Variants in E2F3 observed in about 807,000 individuals in gnomAD.
E2F3 encodes the protein E2F transcription factor 3, also known as transcription factor E2F3.
In E2F3, 11 loss-of-function variants were observed where a neutral mutation model predicts 44.4. The ratio of observed to expected loss-of-function variants is 0.25; its 90% CI spans 0.16 to 0.41. The LOEUF (loss-of-function observed/expected upper bound fraction) is 0.41, where lower values mean the gene tolerates loss of function less well. Among genes scored for constraint, E2F3 ranks in the 10% least tolerant of loss-of-function variants. E2F3 has a pLI of 1.00. For synonymous variants in E2F3, 249 were observed against 253.0 expected (o/e 0.98, Z 0.15); for missense variants, 487 against 583.6 (o/e 0.83, Z 1.70).
chr6:20,457,551 T>G (rs1761352374), intron 1 of E2F3, among the ~76,000 whole-genome samples: 1 of 151,926 alleles, frequency 6.6e-6, no homozygotes, highest in Non-Finnish European at 1.5e-5. Context: ...CCTAGAATTG[T>G]AGGAAGGTAT....
chr6:20,441,725 ATTTT>A (rs70990031), intron 1 of E2F3, among the ~76,000 whole-genome samples: 5 of 119,324 alleles, frequency 4.2e-5, no homozygotes, highest in Admixed American at 9.0e-5. Context: ...CGCGTGGGTA[ATTTT>A]TTTTTTTTTT....
intron 1 of E2F3, among the ~76,000 whole-genome samples, chr6:20,421,222 C>T (rs1760017185): frequency 6.6e-6 from 1 of 152,194 alleles, no homozygotes; most frequent in African/African-American, 2.4e-5. Flanking sequence ...GGATCAACTT[C>T]TTCCGAACTT....
At chr6:20,410,118 G>A (rs1002225352) in intron 1 of E2F3, among the ~76,000 whole-genome samples, 1 of 152,146 alleles carries the variant, frequency 6.6e-6, no homozygotes, top group African/African-American at 2.4e-5. Context: ...CTCAGGGTCT[G>A]TATATTTCGT....
chr6:20,420,663 C>G (rs1464651494), intron 1 of E2F3, among the ~76,000 whole-genome samples: 2 of 152,162 alleles, frequency 1.3e-5, no homozygotes, highest in African/African-American at 2.4e-5. Context: ...CTTAAAAATA[C>G]TATATTGCTA....
Position 20,434,431 on chromosome 6 carries a change from G to A in E2F3, c.393+31806G>A, listed in dbSNP as rs533733527. ...TGTGGACTTAAAGACACTGATTTGTGGCATAATTCGAGGTAGTTTAAACTG... is the reference window on the plus strand; with the variant it reads ...TGTGGACTTAAAGACACTGATTTGTAGCATAATTCGAGGTAGTTTAAACTG... On this transcript the variant is annotated intron_variant, in intron 1 of 6. Transcript: ENST00000346618. Among the ~76,000 whole-genome samples, 6 of 152,250 alleles carry A rather than the reference G, an allele frequency of 3.9e-5. No homozygotes were observed. In the South Asian group the frequency reaches 1.2e-3, roughly 32 times the overall value.
chr6:20,454,407 A>C (rs1477541548), intron 1 of E2F3, among the ~76,000 whole-genome samples: 1 of 152,196 alleles, frequency 6.6e-6, no homozygotes, highest in Non-Finnish European at 1.5e-5. Flanking sequence ...GTTTGGTCCT[A>C]ATCTTCTTGA....
chr6:20,490,217 A>C lies in E2F3; in HGVS notation c.1185A>C (p.Gly395=). ...SGHSDCSVSM[G]NLSPLASPAN... is the part of the protein sequence containing the mutation. ...ATAGCGATTGCTCAGTTTCTATGGGAAACCTTTCTCCTCTGGCCTCCCCAG... is the reference window on the plus strand; with the variant it reads ...ATAGCGATTGCTCAGTTTCTATGGGCAACCTTTCTCCTCTGGCCTCCCCAG... Residue 395 remains glycine (G), a synonymous_variant, in exon 7 of 7, where the codon GGA becomes GGC. Coordinates refer to ENST00000346618, the MANE Select transcript of E2F3 (RefSeq NM_001949.5). The surrounding 1 kb of genome is among the most constrained non-coding windows in gnomAD (Gnocchi z 4.3). The C allele has an allele frequency of 6.2e-7, 1 of 1,614,012 alleles. No homozygotes were observed. The highest frequency in any genetic ancestry group is 8.5e-7 in the Non-Finnish European group (1 of 1,179,958).
intron 1 of E2F3, among the ~76,000 whole-genome samples, chr6:20,461,538 A>G (rs1561872441): frequency 6.6e-6 from 1 of 151,846 alleles, no homozygotes; most frequent in Non-Finnish European, 1.5e-5. Flanking sequence ...TTTCCACTAC[A>G]TTTCCCTTCA....
At chr6:20,455,723 A>G (rs1032414527) in intron 1 of E2F3, among the ~76,000 whole-genome samples, 4 of 152,214 alleles carry the variant, frequency 2.6e-5, no homozygotes, top group African/African-American at 9.7e-5. Context: ...GCCCTGGGGC[A>G]AGGGTGTCCC....
At chr6:20,462,257 TGA>T (rs1273558037) in intron 1 of E2F3, among the ~76,000 whole-genome samples, 1 of 152,184 alleles carries the variant, frequency 6.6e-6, no homozygotes, top group Non-Finnish European at 1.5e-5. Flanking sequence ...TGTCTGGAGT[TGA>T]GTTTTGTATG....
chr6:20,447,233 G>A (rs992259903), intron 1 of E2F3, among the ~76,000 whole-genome samples: 3 of 152,140 alleles, frequency 2.0e-5, no homozygotes, highest in African/African-American at 7.2e-5. Context: ...TGGGACAGAT[G>A]TTGGGGGGAA....
chr6:20,432,515 C>G (rs1037965383), intron 1 of E2F3, among the ~76,000 whole-genome samples: 1 of 152,210 alleles, frequency 6.6e-6, no homozygotes. Flanking sequence ...ACAGACCTTA[C>G]GTTTAGGGAA....
At chr6:20,442,771 A>G (rs1760818470) in intron 1 of E2F3, among the ~76,000 whole-genome samples, 1 of 152,080 alleles carries the variant, frequency 6.6e-6, no homozygotes, top group African/African-American at 2.4e-5. Context: ...GGAGTTGGAG[A>G]TCAGCCTGGA....
chr6:20,414,424 C>A (rs1297755142), intron 1 of E2F3, among the ~76,000 whole-genome samples: 1 of 151,978 alleles, frequency 6.6e-6, no homozygotes, highest in Non-Finnish European at 1.5e-5. Context: ...TGTCCTGAAC[C>A]AAGATAGCTC....
intron 1 of E2F3, among the ~76,000 whole-genome samples, chr6:20,449,092 C>A (rs1761042862): frequency 6.6e-6 from 1 of 152,158 alleles, no homozygotes; most frequent in South Asian, 2.1e-4. Context: ...TACGTACTTT[C>A]CTTTTTTGGC....
At chr6:20,420,277 T>C (rs1435871106) in intron 1 of E2F3, among the ~76,000 whole-genome samples, 2 of 152,222 alleles carry the variant, frequency 1.3e-5, no homozygotes, top group Admixed American at 1.3e-4. Context: ...ATTTTACAGA[T>C]GATGAAAAAG....
At chr6:20,416,278 C>T (rs1220899344) in intron 1 of E2F3, among the ~76,000 whole-genome samples, 1 of 152,202 alleles carries the variant, frequency 6.6e-6, no homozygotes, top group African/African-American at 2.4e-5. Context: ...TCCTTGCTCA[C>T]CTATACCCAC....
At chr6:20,482,416 TCTTCC>T (rs1214766075) in intron 3 of E2F3, among the ~76,000 whole-genome samples, 5 of 150,514 alleles carry the variant, frequency 3.3e-5, no homozygotes, top group Admixed American at 2.0e-4. Context: ...TTTTCGCCTT[TCTTCC>T]CCCACCACCT....
intron 1 of E2F3, chr6:20,440,192 T>G (rs1015335556): frequency 5.9e-5 from 9 of 152,358 alleles, no homozygotes; most frequent in African/African-American, 2.2e-4. Context: ...AAGGGAGTTG[T>G]TTTTCTTATA....
Sources: gnomAD v4.1 joint callset for allele counts (sites outside exome capture counted in the v4.1 genomes callset) on GRCh38, gnomAD v4.1.1 for gene constraint, Gnocchi (gnomAD v3.1) non-coding constraint, MANE v1.5 for transcripts, NCBI Gene and HGNC (gene_info 2026-07-23, HGNC 2026-07-21) for gene names.